Variants in NHSL1 observed in about 807,000 individuals in gnomAD.
NHSL1 encodes the protein NHS like 1, also known as NHS-like protein 1.
NHSL1 carries 48 observed loss-of-function variants against 95.0 expected under a neutral mutation model. That is an observed-to-expected ratio of 0.51 (90% CI 0.40 to 0.64). The LOEUF (loss-of-function observed/expected upper bound fraction) is 0.64. Ranked by LOEUF, NHSL1 falls within the 30% of genes least tolerant of loss-of-function variation. The pLI is 0.00. For missense variants in NHSL1, 1,971 were observed against 2,077.7 expected (o/e 0.95, Z 1.00); for synonymous variants, 783 against 833.9 (o/e 0.94, Z 1.05).
chr6:138,524,552 A>G (rs936842488), intron 1 of NHSL1, among the ~76,000 whole-genome samples: 1 of 152,170 alleles, frequency 6.6e-6, no homozygotes, highest in Non-Finnish European at 1.5e-5. Context: ...TCTTATTGGT[A>G]TGGTAAAAGA....
Position 138,474,930 on chromosome 6 carries a change from T to C in NHSL1, c.212-1497A>G, listed in dbSNP as rs527734392. On this transcript the variant is annotated intron_variant, in intron 2 of 7. Coordinates refer to ENST00000343505, the MANE Select transcript of NHSL1 (RefSeq NM_001144060.2). ...TTGGGAGGCCAAGGCAGGAGGATCATCTGAGGTCGGGAATTCAAGACCAGC... is the reference window on the plus strand; with the variant it reads ...TTGGGAGGCCAAGGCAGGAGGATCACCTGAGGTCGGGAATTCAAGACCAGC... Among the ~76,000 whole-genome samples the C allele has an allele frequency of 2.0e-5, 3 of 152,216 alleles. No homozygotes were observed. The South Asian group carries it at 6.2e-4, about 32-fold the overall frequency.
At chr6:138,649,439 C>A (rs1463944632) in intron 1 of NHSL1, among the ~76,000 whole-genome samples, 4 of 148,986 alleles carry the variant, frequency 2.7e-5, no homozygotes, top group Non-Finnish European at 5.9e-5. Flanking sequence ...AAAAAAAAAC[C>A]AGGGAATTCT....
rs900298329 is a variant in NHSL1 at position 138,648,880 on chromosome 6, G to A, written c.96+43596C>T. ...TTGAAAGCAAGGCAATAGATGAGTA[G>A]TAGATTGGGGGTGAGGAATGAATAT... On this transcript the variant is annotated intron_variant, in intron 1 of 3. Coordinates refer to the NHSL1 transcript ENST00000491526. Among the ~76,000 whole-genome samples the A allele has an allele frequency of 3.3e-5, 5 of 152,248 alleles. No homozygotes were observed. The East Asian group carries it at 5.8e-4, about 18-fold the overall frequency.
chr6:138,606,078 C>T (rs1293266379), intron 1 of NHSL1, among the ~76,000 whole-genome samples: 1 of 152,154 alleles, frequency 6.6e-6, no homozygotes, highest in African/African-American at 2.4e-5. Flanking sequence ...CACAAAACTG[C>T]AAAGTGCTTT....
At chr6:138,654,142 C>T (rs1018580499) in intron 1 of NHSL1, among the ~76,000 whole-genome samples, 31 of 152,168 alleles carry the variant, frequency 2.0e-4, no homozygotes, top group Admixed American at 9.2e-4. Context: ...CCAGAGCAGA[C>T]GAGCACTAAC....
chr6:138,505,022 A>T (rs769653695), intron 1 of NHSL1, among the ~76,000 whole-genome samples: 2 of 152,146 alleles, frequency 1.3e-5, no homozygotes, highest in Non-Finnish European at 2.9e-5. Context: ...GTACACCCTC[A>T]TTATTTTTAT....
chr6:138,659,227 T>C (rs1785195293), intron 1 of NHSL1, among the ~76,000 whole-genome samples: 1 of 151,884 alleles, frequency 6.6e-6, no homozygotes, highest in African/African-American at 2.4e-5. Flanking sequence ...TTTTTGTATT[T>C]TTAGTAAAGA....
chr6:138,646,626 A>C (rs1437697955), intron 1 of NHSL1, among the ~76,000 whole-genome samples: 1 of 152,230 alleles, frequency 6.6e-6, no homozygotes, highest in Non-Finnish European at 1.5e-5. Context: ...GAATTGTTGA[A>C]GTTCTACCTA....
At chr6:138,558,114 C>A (rs1258990891) in intron 1 of NHSL1, among the ~76,000 whole-genome samples, 1 of 151,892 alleles carries the variant, frequency 6.6e-6, no homozygotes, top group Non-Finnish European at 1.5e-5. Context: ...AACCAATTAC[C>A]AGGGTTTTTT....
In NHSL1 at chr6:138,496,624, TC is replaced by T. The variant is rs537565264; in HGVS notation, c.59-254del. On this transcript the variant is annotated intron_variant, in intron 1 of 7. Coordinates refer to ENST00000343505, the MANE Select transcript of NHSL1 (RefSeq NM_001144060.2). ...AGAATCATTTGCTCAGTTAACTGCT[TC>T]CCAGCATTTTAGGTCCTCCCTTTAC... 2.2e-4 allele frequency among the ~76,000 whole-genome samples: 34 copies of T among 152,276 alleles called. No homozygotes were observed. In the South Asian group the frequency reaches 6.6e-3, roughly 30 times the overall value.
At chr6:138,541,345 C>A (rs1782573672) in intron 1 of NHSL1, among the ~76,000 whole-genome samples, 1 of 152,234 alleles carries the variant, frequency 6.6e-6, no homozygotes, top group South Asian at 2.1e-4. Context: ...CCAGCCTGGG[C>A]AACAGAGCGA....
At chr6:138,632,878 G>A (rs758409159) in intron 1 of NHSL1, among the ~76,000 whole-genome samples, 4 of 151,746 alleles carry the variant, frequency 2.6e-5, no homozygotes, top group Admixed American at 2.0e-4. Flanking sequence ...AAAGCACCAG[G>A]GACCAATCCT....
chr6:138,454,713 A>T (rs12524326), intron 3 of NHSL1, among the ~76,000 whole-genome samples: 20,225 of 152,262 alleles, frequency 0.13, 1,361 homozygotes, highest in Middle Eastern at 0.17. Context: ...ATAAAGAAAG[A>T]TCTTGTTTCA....
intron 3 of NHSL1, among the ~76,000 whole-genome samples, chr6:138,471,017 G>A (rs530199086): frequency 3.6e-4 from 55 of 152,000 alleles, no homozygotes; most frequent in African/African-American, 1.2e-3. Flanking sequence ...CATTTTCTTC[G>A]CACTCATTTT....
At position 138,692,327 on chromosome 6, in the gene NHSL1, G is replaced by C. The variant is rs546040455; in HGVS notation, c.96+149C>G. 1 of 370,854 alleles carries C rather than the reference G, an allele frequency of 2.7e-6. No individual in the cohort carries two copies. Among genetic ancestry groups the C allele is most frequent in the African/African-American group, 2.1e-5 (1 of 47,188 alleles). The allele number at this position is 370,854 out of a possible 1,614,324, so 23.0% of individuals were successfully genotyped here. On this transcript the variant is annotated intron_variant, in intron 1 of 3. Coordinates refer to the NHSL1 transcript ENST00000491526. The surrounding 1 kb of genome is among the most constrained non-coding windows in gnomAD (Gnocchi z 4.0). Reference sequence around the variant, plus strand: ...GCCCCTGCCACCTGCCCAGCCTCCCGCTGGGGTCCGGCAGTCCCCACTGGA... The same window carrying C: ...GCCCCTGCCACCTGCCCAGCCTCCCCCTGGGGTCCGGCAGTCCCCACTGGA...
chr6:138,639,992 G>A (rs1047487605), intron 1 of NHSL1, among the ~76,000 whole-genome samples: 4 of 148,846 alleles, frequency 2.7e-5, no homozygotes, highest in African/African-American at 9.9e-5. Flanking sequence ...TCATCGTATT[G>A]CACAGACTAT....
chr6:138,533,516 C>T (rs1464017845), intron 1 of NHSL1, among the ~76,000 whole-genome samples: 1 of 152,028 alleles, frequency 6.6e-6, no homozygotes, highest in African/African-American at 2.4e-5. Flanking sequence ...CCACTGCACT[C>T]CAGCCTGGGC....
intron 1 of NHSL1, among the ~76,000 whole-genome samples, chr6:138,611,866 T>C (rs1356504652): frequency 6.6e-6 from 1 of 152,144 alleles, no homozygotes; most frequent in Admixed American, 6.5e-5. Flanking sequence ...TCCCAGCACT[T>C]TGCGAGGCCA....
intron 1 of NHSL1, among the ~76,000 whole-genome samples, chr6:138,587,025 T>C (rs1258295015): frequency 2.6e-5 from 4 of 151,912 alleles, no homozygotes; most frequent in African/African-American, 7.3e-5. Context: ...CATGTTGGAG[T>C]GCAGCGGTAC....
Sources: gnomAD v4.1 joint callset for allele counts (sites outside exome capture counted in the v4.1 genomes callset) on GRCh38, gnomAD v4.1.1 for gene constraint, Gnocchi (gnomAD v3.1) non-coding constraint, MANE v1.5 for transcripts, NCBI Gene and HGNC (gene_info 2026-07-23, HGNC 2026-07-21) for gene names.